The following SI variants were observed in gnomAD, a reference collection of about 807,000 sequenced individuals.
The protein encoded by SI is sucrase-isomaltase, intestinal.
SI carries 235 observed loss-of-function variants against 253.3 expected under a neutral mutation model. The observed-to-expected ratio is 0.93, with a 90% CI of 0.83 to 1.03. The LOEUF (loss-of-function observed/expected upper bound fraction) is 1.03, where lower values mean the gene tolerates loss of function less well. Ranked by LOEUF, SI falls within the 50% of genes least tolerant of loss-of-function variation. The pLI is 0.00. For missense variants in SI, 2,442 were observed against 2,211.1 expected (o/e 1.10, Z -2.09); for synonymous variants, 819 against 712.0 (o/e 1.15, Z -2.39).
In SI at chr3:164,990,011, A is replaced by G. The variant is rs549943937; in HGVS notation, c.5108+1342T>C. On this transcript the variant is annotated intron_variant, in intron 44 of 47. Coordinates refer to ENST00000264382, the MANE Select transcript of SI (RefSeq NM_001041.4). ...CAGTGGTGGATGCGGGTCATCATACATTTGTTTAGACCCAGAGAATTTACA... is the reference window on the plus strand; with the variant it reads ...CAGTGGTGGATGCGGGTCATCATACGTTTGTTTAGACCCAGAGAATTTACA... 4.9e-4 allele frequency among the ~76,000 whole-genome samples: 75 copies of G among 152,278 alleles called. 1 individual carries two copies. Among genetic ancestry groups the G allele is most frequent in the South Asian group, 3.1e-3 (15 of 4,818 alleles).
intron 47 of SI, among the ~76,000 whole-genome samples, chr3:164,981,823 T>C (rs9917770): frequency 6.6e-6 from 1 of 152,152 alleles, no homozygotes; most frequent in Admixed American, 6.6e-5. Flanking sequence ...TTGTGTATTA[T>C]CTGTATCATA....
At chr3:165,023,060 A>G (rs1711710901) in intron 26 of SI, among the ~76,000 whole-genome samples, 1 of 151,510 alleles carries the variant, frequency 6.6e-6, no homozygotes, top group African/African-American at 2.4e-5. Context: ...TACACAAGAA[A>G]ATATCTTTGG....
intron 25 of SI, among the ~76,000 whole-genome samples, chr3:165,028,212 A>G (rs1446957320): frequency 3.3e-5 from 5 of 151,206 alleles, no homozygotes; most frequent in South Asian, 2.1e-4. Context: ...AAAATAAACT[A>G]AAATACTTAG....
At chr3:165,060,121 T>A in intron 9 of SI, 94 bp from the exon 10 acceptor site, 1 of 1,066,546 alleles carries the variant, frequency 9.4e-7, no homozygotes, top group South Asian at 1.4e-5. Context: ...TTCTTATATC[T>A]CTAAAATTCA....
chr3:165,069,657 A>T (rs1411090332), intron 3 of SI, among the ~76,000 whole-genome samples: 6 of 152,092 alleles, frequency 3.9e-5, no homozygotes, highest in Non-Finnish European at 8.8e-5. Context: ...TTACTAGTTC[A>T]TATTTAATTA....
At chr3:165,064,486 ATAGT>A (rs1412434637) in intron 7 of SI, among the ~76,000 whole-genome samples, 2 of 152,234 alleles carry the variant, frequency 1.3e-5, no homozygotes, top group East Asian at 1.9e-4. Flanking sequence ...TGATATAGAA[ATAGT>A]TAGCATTGCC....
chr3:165,070,178 A>G (rs1714469393), intron 3 of SI, among the ~76,000 whole-genome samples: 1 of 87,952 alleles, frequency 1.1e-5, no homozygotes, highest in Admixed American at 1.3e-4. Context: ...ATTTTGATAT[A>G]TTTATTTATA....
At chr3:165,073,447 A>G (rs868206170) in intron 3 of SI, among the ~76,000 whole-genome samples, 2 of 152,132 alleles carry the variant, frequency 1.3e-5, no homozygotes, top group African/African-American at 2.4e-5. Flanking sequence ...AATGTTACTC[A>G]AAGGAAAATC....
At chr3:165,011,709 ATTG>A (rs911921261) in intron 34 of SI, among the ~76,000 whole-genome samples, 2 of 148,914 alleles carry the variant, frequency 1.3e-5, no homozygotes, top group African/African-American at 4.9e-5. Context: ...TTTATTTATT[ATTG>A]TTCTATTTAT....
At chr3:165,031,430 T>C (rs1404729828) in intron 24 of SI, among the ~76,000 whole-genome samples, 1 of 148,804 alleles carries the variant, frequency 6.7e-6, no homozygotes, top group Non-Finnish European at 1.5e-5. Context: ...ATTGCATACA[T>C]AACCAATAAA....
intron 25 of SI, among the ~76,000 whole-genome samples, chr3:165,029,808 A>G (rs1712140377): frequency 6.7e-6 from 1 of 150,276 alleles, no homozygotes; most frequent in African/African-American, 2.4e-5. Flanking sequence ...ATTTGGCTGA[A>G]AAGAGGCAAC....
chr3:164,981,815 G>A (rs1413496042), intron 47 of SI, among the ~76,000 whole-genome samples: 1 of 152,238 alleles, frequency 6.6e-6, no homozygotes, highest in South Asian at 2.1e-4. Flanking sequence ...CTGATTCCTT[G>A]TGTATTATCT....
chr3:164,994,935 G>A (rs976858091), intron 40 of SI, among the ~76,000 whole-genome samples: 2 of 151,622 alleles, frequency 1.3e-5, no homozygotes, highest in African/African-American at 4.8e-5. Context: ...AGTATGCTCT[G>A]GAATGCACAC....
intron 25 of SI, among the ~76,000 whole-genome samples, chr3:165,028,819 C>T (rs1180935954): frequency 6.6e-6 from 1 of 151,242 alleles, no homozygotes; most frequent in East Asian, 1.9e-4. Context: ...AATCTAAGAC[C>T]AGAAACTACA....
chr3:165,015,338 G>T (rs776531795), intron 32 of SI, 105 bp from the exon 33 acceptor site: 4 of 763,764 alleles, frequency 5.2e-6, no homozygotes, highest in East Asian at 2.7e-5. Flanking sequence ...TCATAATAAT[G>T]TGCTCTCACA....
the SI span, among the ~76,000 whole-genome samples, chr3:165,088,163 T>C: frequency 1.3e-5 from 2 of 151,018 alleles, no homozygotes; most frequent in Non-Finnish European, 2.9e-5. Context: ...CTGGAGAACA[T>C]GGCAAAACCT....
At chr3:165,019,476 T>A in intron 28 of SI, 126 bp downstream of exon 28, 1 of 882,590 alleles carries the variant, frequency 1.1e-6, no homozygotes, top group Non-Finnish European at 1.9e-6. Flanking sequence ...CTATAGCTGC[T>A]CTGGAGATCT....
intron 1 of SI, among the ~76,000 whole-genome samples, chr3:165,076,973 GGTTT>G (rs1290893855): frequency 1.4e-5 from 2 of 145,936 alleles, no homozygotes; most frequent in Non-Finnish European, 3.0e-5. Flanking sequence ...TTAAAATCAC[GGTTT>G]GTTTTTTTTT....
At chr3:165,009,681 G>A (rs1424927144) in intron 34 of SI, among the ~76,000 whole-genome samples, 1 of 152,114 alleles carries the variant, frequency 6.6e-6, no homozygotes, top group African/African-American at 2.4e-5. Context: ...CTAGAGTAAT[G>A]GGGAAGCTTT....
Sources: gnomAD v4.1 joint callset for allele counts (sites outside exome capture counted in the v4.1 genomes callset) on GRCh38, gnomAD v4.1.1 for gene constraint, MANE v1.5 for transcripts, NCBI Gene and HGNC (gene_info 2026-07-23, HGNC 2026-07-21) for gene names.